Variants in STK32B observed in about 807,000 individuals in gnomAD.
STK32B encodes serine/threonine kinase 32B.
A neutral mutation model predicts 52.6 loss-of-function variants in STK32B; 43 were observed. The ratio of observed to expected loss-of-function variants is 0.82; its 90% CI spans 0.64 to 1.05. The LOEUF (loss-of-function observed/expected upper bound fraction) is 1.05. Among genes scored for constraint, STK32B ranks in the 50% least tolerant of loss-of-function variants. The pLI is 0.00. For synonymous variants in STK32B, 238 were observed against 204.3 expected (o/e 1.17, Z -1.41); for missense variants, 621 against 534.6 (o/e 1.16, Z -1.59).
intron 4 of STK32B, among the ~76,000 whole-genome samples, chr4:5,364,837 C>G (rs1430451602): frequency 6.6e-6 from 1 of 152,172 alleles, no homozygotes; most frequent in Non-Finnish European, 1.5e-5. Flanking sequence ...TGTCTCACTT[C>G]TAGCATTCTA....
chr4:5,080,230 CT>C (rs1712333951), intron 1 of STK32B, among the ~76,000 whole-genome samples: 1 of 152,160 alleles, frequency 6.6e-6, no homozygotes, highest in African/African-American at 2.4e-5. Flanking sequence ...ATCAGGCCCC[CT>C]GCCACCTCTC....
rs541377968 is a variant in STK32B at position 5,058,657 on chromosome 4, G to A, written c.52+6742G>A. Reference sequence around the variant, plus strand: ...GACTCACTGCAGCCTCAACCTCCCCGGCTCAAGCAATCCTCCTGTGTCAGC... The same window carrying A: ...GACTCACTGCAGCCTCAACCTCCCCAGCTCAAGCAATCCTCCTGTGTCAGC... On this transcript the variant is annotated intron_variant, in intron 1 of 11. Coordinates refer to ENST00000282908, the MANE Select transcript of STK32B (RefSeq NM_018401.3). The surrounding 1 kb of genome is among the most constrained non-coding windows in gnomAD (Gnocchi z 4.8). Among the ~76,000 whole-genome samples the A allele has an allele frequency of 8.5e-5, 13 of 152,178 alleles. No homozygotes were observed. The highest frequency in any genetic ancestry group is 3.9e-4 in the East Asian group (2 of 5,182).
At chr4:5,397,822 G>A (rs891615620) in intron 4 of STK32B, among the ~76,000 whole-genome samples, 26 of 152,360 alleles carry the variant, frequency 1.7e-4, no homozygotes, top group Non-Finnish European at 3.7e-4. Flanking sequence ...TCGAGTGGAT[G>A]CCATGACACC....
intron 1 of STK32B, among the ~76,000 whole-genome samples, chr4:5,136,262 C>T (rs1403695466): frequency 1.3e-5 from 2 of 152,256 alleles, no homozygotes; most frequent in Non-Finnish European, 2.9e-5. Flanking sequence ...TTCATGATGC[C>T]TGGCAAGGCA....
intron 1 of STK32B, among the ~76,000 whole-genome samples, chr4:5,110,147 G>A (rs1333801140): frequency 2.6e-5 from 4 of 151,510 alleles, no homozygotes; most frequent in South Asian, 2.1e-4. Context: ...TGAATTGGAA[G>A]GATCAATATC....
intron 3 of STK32B, among the ~76,000 whole-genome samples, chr4:5,177,450 GT>G (rs896530535): frequency 2.0e-5 from 3 of 152,172 alleles, no homozygotes; most frequent in African/African-American, 7.2e-5. Context: ...TGCGACTTGA[GT>G]GGGGACACAG....
chr4:5,297,187 T>G (rs1489573599), intron 3 of STK32B, among the ~76,000 whole-genome samples: 1 of 152,216 alleles, frequency 6.6e-6, no homozygotes, highest in Non-Finnish European at 1.5e-5. Flanking sequence ...TAACCTGACC[T>G]TTCTCTCTGG....
chr4:5,468,337 A>G (rs928415178), intron 11 of STK32B, among the ~76,000 whole-genome samples: 1 of 152,194 alleles, frequency 6.6e-6, no homozygotes, highest in Admixed American at 6.5e-5. Context: ...CTGAGCGGGC[A>G]CACAGGAACA....
At chr4:5,449,958 A>G (rs1230340717) in intron 7 of STK32B, among the ~76,000 whole-genome samples, 1 of 152,176 alleles carries the variant, frequency 6.6e-6, no homozygotes, top group African/African-American at 2.4e-5. Context: ...CAATATCATA[A>G]TAATAAAGTG....
chr4:5,226,485 G>A (rs565293397), intron 3 of STK32B, among the ~76,000 whole-genome samples: 1 of 152,266 alleles, frequency 6.6e-6, no homozygotes, highest in South Asian at 2.1e-4. Context: ...GTTCGGAAAA[G>A]CATGATGAAA....
chr4:5,195,152 G>A (rs958696670), intron 3 of STK32B, among the ~76,000 whole-genome samples: 1 of 152,076 alleles, frequency 6.6e-6, no homozygotes, highest in Non-Finnish European at 1.5e-5. Flanking sequence ...TAGCTCAACT[G>A]CAGCCTCCAA....
chr4:5,315,428 A>G lies in STK32B; in HGVS notation c.261-15792A>G, dbSNP rs547303655. ...AACAGTAACAATAATACTCAGCAAC[A>G]CTTACTGAGTATTTATATGTCAAAC... On this transcript the variant is annotated intron_variant, in intron 3 of 11. Coordinates refer to ENST00000282908, the MANE Select transcript of STK32B (RefSeq NM_018401.3). 4.1e-5 allele frequency among the ~76,000 whole-genome samples: 6 copies of G among 146,182 alleles called. No individual in the cohort carries two copies. The East Asian group carries it at 7.8e-4, about 19-fold the overall frequency.
At chr4:5,046,515 T>C (rs1577606328), upstream of STK32B, among the ~76,000 whole-genome samples, 1 of 152,150 alleles carries the variant, frequency 6.6e-6, no homozygotes, top group Admixed American at 6.5e-5. Flanking sequence ...AATTGACAAA[T>C]GGGATCTATT....
At chr4:5,320,506 T>C (rs1731417259) in intron 3 of STK32B, among the ~76,000 whole-genome samples, 1 of 152,224 alleles carries the variant, frequency 6.6e-6, no homozygotes, top group African/African-American at 2.4e-5. Context: ...AAAAAAATTA[T>C]ATTTACAGCC....
At chr4:5,136,229 C>T (rs114993759) in intron 1 of STK32B, among the ~76,000 whole-genome samples, 1,958 of 152,322 alleles carry the variant, frequency 0.013, 28 homozygotes, top group Non-Finnish European at 0.02. Context: ...CAAATAATGC[C>T]GCCAATGTGT....
At chr4:5,294,130 C>A (rs998281956) in intron 3 of STK32B, among the ~76,000 whole-genome samples, 2 of 152,094 alleles carry the variant, frequency 1.3e-5, no homozygotes, top group African/African-American at 4.8e-5. Flanking sequence ...GGCCTCTGTT[C>A]TGTTCCATTG....
intron 4 of STK32B, among the ~76,000 whole-genome samples, chr4:5,354,534 G>A (rs570346121): frequency 1.3e-5 from 2 of 152,296 alleles, no homozygotes; most frequent in South Asian, 4.2e-4. Context: ...TCAAAGTGCT[G>A]GGATTACAGG....
At chr4:5,287,811 A>G (rs1728650753) in intron 3 of STK32B, among the ~76,000 whole-genome samples, 1 of 152,182 alleles carries the variant, frequency 6.6e-6, no homozygotes, top group African/African-American at 2.4e-5. Context: ...TAAAATGTAC[A>G]ATTCAGGAGT....
intron 7 of STK32B, among the ~76,000 whole-genome samples, chr4:5,447,610 T>C (rs976103248): frequency 2.0e-5 from 3 of 152,220 alleles, no homozygotes; most frequent in Non-Finnish European, 4.4e-5. Context: ...CACTCTAGCC[T>C]AGGTGACAGA....
Sources: gnomAD v4.1 joint callset for allele counts (sites outside exome capture counted in the v4.1 genomes callset) on GRCh38, gnomAD v4.1.1 for gene constraint, Gnocchi (gnomAD v3.1) non-coding constraint, MANE v1.5 for transcripts, NCBI Gene and HGNC (gene_info 2026-07-23, HGNC 2026-07-21) for gene names.